The following FHIT variants were observed in gnomAD, a reference collection of about 807,000 sequenced individuals.
FHIT encodes the protein fragile histidine triad diadenosine triphosphatase.
FHIT carries 19 observed loss-of-function variants against 17.9 expected under a neutral mutation model. The observed-to-expected ratio is 1.06, with a 90% CI of 0.74 to 1.56. The LOEUF (loss-of-function observed/expected upper bound fraction) is 1.56, where lower values mean the gene tolerates loss of function less well. Among genes scored for constraint, FHIT ranks in the 40% most tolerant of loss-of-function variants. The pLI is 0.00. For missense variants in FHIT, 248 were observed against 189.2 expected, an observed-to-expected ratio of 1.31 and a Z score of -1.82; for synonymous variants, 81 against 69.7, an observed-to-expected ratio of 1.16 and a Z score of -0.81.
chr3:59,954,341 T>C (rs1014526247), intron 7 of FHIT, among the ~76,000 whole-genome samples: 1 of 151,636 alleles, frequency 6.6e-6, no homozygotes, highest in African/African-American at 2.4e-5. Context: ...GCTTTCATCA[T>C]TTGCAAATAA....
intron 5 of FHIT, among the ~76,000 whole-genome samples, chr3:60,531,499 C>CCAG (rs2035784602): frequency 6.6e-6 from 1 of 151,896 alleles, no homozygotes; most frequent in Admixed American, 6.6e-5. Flanking sequence ...AGGATGGTCT[C>CCAG]GATCTCCTGA....
intron 4 of FHIT, among the ~76,000 whole-genome samples, chr3:60,761,159 T>C (rs1453227823): frequency 2.0e-5 from 3 of 152,302 alleles, no homozygotes; most frequent in Non-Finnish European, 4.4e-5. Flanking sequence ...CCTGCCACTC[T>C]TTTGTAATGC....
chr3:60,615,643 T>C (rs942963429), intron 4 of FHIT, among the ~76,000 whole-genome samples: 4 of 152,214 alleles, frequency 2.6e-5, no homozygotes, highest in Admixed American at 6.5e-5. Flanking sequence ...ATTTGAGTAA[T>C]ACCTACTATG....
intron 2 of FHIT, among the ~76,000 whole-genome samples, chr3:61,053,982 G>T (rs917708994): frequency 8.5e-5 from 13 of 152,186 alleles, no homozygotes; most frequent in Non-Finnish European, 1.6e-4. Context: ...CGCTGGGAAA[G>T]GAGCAGCTGA....
chr3:59,902,062 A>G (rs294451), intron 8 of FHIT, among the ~76,000 whole-genome samples: 112,206 of 152,128 alleles, frequency 0.74, 45,700 homozygotes, highest in East Asian at 0.99. Context: ...AGGGGATTAA[A>G]TTCCAAAATA....
intron 5 of FHIT, among the ~76,000 whole-genome samples, chr3:60,279,135 C>G (rs973006433): frequency 6.6e-6 from 1 of 151,922 alleles, no homozygotes; most frequent in South Asian, 2.1e-4. Context: ...ATTGCTAAAC[C>G]TCTAGTCAGG....
chr3:60,005,619 G>A (rs1370447819), intron 7 of FHIT, among the ~76,000 whole-genome samples: 2 of 152,158 alleles, frequency 1.3e-5, no homozygotes, highest in African/African-American at 4.8e-5. Context: ...TTCATTCTGA[G>A]GGCAGAGATG....
chr3:60,542,438 C>G (rs902661186), intron 4 of FHIT, among the ~76,000 whole-genome samples: 2 of 152,182 alleles, frequency 1.3e-5, no homozygotes, highest in African/African-American at 2.4e-5. Context: ...TTTCCTACAT[C>G]CTTACCAGCA....
chr3:60,698,818 T>C (rs1553701307), intron 4 of FHIT, among the ~76,000 whole-genome samples: 1 of 152,144 alleles, frequency 6.6e-6, no homozygotes, highest in East Asian at 1.9e-4. Flanking sequence ...TTTCATGTAT[T>C]TTTCTTAATA....
At chr3:61,037,029 A>G (rs1051367526) in intron 3 of FHIT, among the ~76,000 whole-genome samples, 11 of 151,400 alleles carry the variant, frequency 7.3e-5, no homozygotes, top group East Asian at 1.9e-4. Flanking sequence ...CTACTGCCTC[A>G]GCCTCTCGAG....
chr3:61,045,875 G>T (rs552056282), intron 2 of FHIT, among the ~76,000 whole-genome samples: 1 of 152,158 alleles, frequency 6.6e-6, no homozygotes, highest in African/African-American at 2.4e-5. Flanking sequence ...TGAACAACCT[G>T]CTCCTAAATG....
At chr3:60,230,167 T>C (rs975664367) in intron 5 of FHIT, among the ~76,000 whole-genome samples, 3 of 152,198 alleles carry the variant, frequency 2.0e-5, no homozygotes, top group African/African-American at 7.2e-5. Flanking sequence ...ACCACATTTC[T>C]AGTTCACAAG....
At chr3:60,438,331 C>T (rs2030465735) in intron 5 of FHIT, among the ~76,000 whole-genome samples, 1 of 151,876 alleles carries the variant, frequency 6.6e-6, no homozygotes, top group Non-Finnish European at 1.5e-5. Flanking sequence ...AGCTACTGCA[C>T]ATGTGCGTCC....
At chr3:61,071,561 T>C (rs72877829) in intron 2 of FHIT, among the ~76,000 whole-genome samples, 2,674 of 152,274 alleles carry the variant, frequency 0.018, 75 homozygotes, top group African/African-American at 0.059. Context: ...TATGCAGTCA[T>C]TAAAAATAAT....
In FHIT at chr3:60,301,606, A is replaced by G. The variant is rs1036067554; in HGVS notation, c.103+235254T>C. Among the ~76,000 whole-genome samples the G allele has an allele frequency of 2.6e-5, 4 of 152,150 alleles. No individual in the cohort carries two copies. In the South Asian group the frequency reaches 6.2e-4, roughly 24 times the overall value. ...TCCAGTTCCTTTTGACATACCCCCC[A>G]GTTTCCCTGGTGTTGGTTCACCTTT... is the stretch of plus-strand genomic sequence containing the variant. On this transcript the variant is annotated intron_variant, in intron 5 of 9. Coordinates refer to ENST00000492590, the MANE Select transcript of FHIT (RefSeq NM_002012.4).
At chr3:60,465,420 T>C (rs2032730281) in intron 5 of FHIT, among the ~76,000 whole-genome samples, 1 of 152,134 alleles carries the variant, frequency 6.6e-6, no homozygotes, top group Non-Finnish European at 1.5e-5. Flanking sequence ...CATTTTTGCT[T>C]TGGTTAACTG....
chr3:60,480,269 T>G (rs1436167096), intron 5 of FHIT, among the ~76,000 whole-genome samples: 1 of 152,096 alleles, frequency 6.6e-6, no homozygotes, highest in Non-Finnish European at 1.5e-5. Flanking sequence ...TCCAATCACC[T>G]CTCTCCAGGT....
At chr3:60,812,908 A>T (rs1329325666) in intron 4 of FHIT, among the ~76,000 whole-genome samples, 2 of 152,160 alleles carry the variant, frequency 1.3e-5, no homozygotes, top group Non-Finnish European at 2.9e-5. Context: ...AGATTCTTCC[A>T]CTGGCAAATG....
intron 8 of FHIT, among the ~76,000 whole-genome samples, chr3:59,829,411 G>A (rs1209763063): frequency 6.6e-6 from 1 of 152,170 alleles, no homozygotes; most frequent in Non-Finnish European, 1.5e-5. Context: ...GGATGTGAGA[G>A]CCCAGGGAGC....
Sources: allele counts gnomAD v4.1 joint callset (sites outside exome capture counted in the v4.1 genomes callset), GRCh38; gene constraint gnomAD v4.1.1; transcripts MANE v1.5; gene names NCBI Gene and HGNC (gene_info 2026-07-23, HGNC 2026-07-21).